REC114: variants seen among roughly 807,000 people sequenced by gnomAD.
REC114 encodes REC114 meiotic recombination protein.
REC114 carries 27 observed loss-of-function variants against 31.3 expected under a neutral mutation model. The observed-to-expected ratio is 0.86, with a 90% CI of 0.64 to 1.19. The LOEUF (loss-of-function observed/expected upper bound fraction) is 1.19, where lower values mean the gene tolerates loss of function less well. Ranked by LOEUF, REC114 falls within the 50% of genes most tolerant of loss-of-function variation. The pLI is 0.00. For synonymous variants in REC114, 134 were observed against 127.7 expected (o/e 1.05, Z -0.33); for missense variants, 344 against 326.9 (o/e 1.05, Z -0.40).
At chr15:73,474,681 G>A (rs1271412120) in intron 2 of REC114, among the ~76,000 whole-genome samples, 1 of 152,156 alleles carries the variant, frequency 6.6e-6, no homozygotes, top group Non-Finnish European at 1.5e-5. Flanking sequence ...GGATGCTAGG[G>A]ATATAGCAGT....
chr15:73,550,974 GA>G lies in REC114; in HGVS notation c.371del (p.Glu124GlyfsTer21). On this transcript the variant is annotated frameshift_variant, in exon 4 of 6. Coordinates refer to ENST00000331090, the MANE Select transcript of REC114 (RefSeq NM_001042367.2). LOFTEE classifies it high-confidence loss of function. ...SRLFRVQFSG[E>X]SKEQALEHCC... is the part of the protein sequence containing the mutation. ...CCTGTTTCGAGTACAGTTCAGTGGA[GA>G]GTCAAAGGAGCAGGCGCTGGAACAC... The G allele has an allele frequency of 6.2e-7, 1 of 1,613,914 alleles. No individual in the cohort carries two copies. The highest frequency in any genetic ancestry group is 8.5e-7 in the Non-Finnish European group (1 of 1,179,842).
chr15:73,489,923 C>G (rs550125846), intron 2 of REC114, among the ~76,000 whole-genome samples: 1 of 152,176 alleles, frequency 6.6e-6, no homozygotes, highest in Non-Finnish European at 1.5e-5. Flanking sequence ...TGAGTACACT[C>G]AAACACAGTA....
chr15:73,485,240 C>T (rs191438449), intron 2 of REC114, among the ~76,000 whole-genome samples: 21 of 152,158 alleles, frequency 1.4e-4, no homozygotes, highest in African/African-American at 4.8e-4. Context: ...TGCGCCACTA[C>T]GCCCAGCTAA....
rs564589645 is a variant in REC114 at position 73,497,507 on chromosome 15, A to G, written c.249+23586A>G. On this transcript the variant is annotated intron_variant, in intron 2 of 5. Transcript: ENST00000331090. ...GTCTTTTAGTCTCTAGCAGCATGCTATCAGTTAGAATATCAGGGTTCTTAC... is the reference window on the plus strand; with the variant it reads ...GTCTTTTAGTCTCTAGCAGCATGCTGTCAGTTAGAATATCAGGGTTCTTAC... Among the ~76,000 whole-genome samples the G allele has an allele frequency of 4.6e-5, 7 of 152,322 alleles. No homozygotes were observed. The East Asian group carries it at 1.3e-3, about 29-fold the overall frequency.
intron 3 of REC114, among the ~76,000 whole-genome samples, chr15:73,543,942 CTTTTTTTTT>C (rs34215297): frequency 2.7e-5 from 2 of 74,098 alleles, no homozygotes. Context: ...TGTTAACTGG[CTTTTTTTTT>C]TTTTTTTTTT....
intron 2 of REC114, among the ~76,000 whole-genome samples, chr15:73,510,134 G>C (rs897740159): frequency 9.9e-4 from 151 of 152,038 alleles, no homozygotes; most frequent in South Asian, 4.0e-3. Context: ...GTGGTTTGTA[G>C]TTCTCCTTGA....
chr15:73,500,701 T>C (rs2141308028), intron 2 of REC114, among the ~76,000 whole-genome samples: 1 of 152,252 alleles, frequency 6.6e-6, no homozygotes, highest in East Asian at 1.9e-4. Context: ...TCTGTTTGTT[T>C]TTTAAAGCCT....
intron 2 of REC114, among the ~76,000 whole-genome samples, chr15:73,514,713 C>T (rs1893834211): frequency 6.6e-6 from 1 of 151,536 alleles, no homozygotes; most frequent in Admixed American, 6.6e-5. Context: ...TTGAAAAAAA[C>T]GCTTGTGCTA....
chr15:73,510,611 C>T (rs1255642396), intron 2 of REC114, among the ~76,000 whole-genome samples: 2 of 147,158 alleles, frequency 1.4e-5, no homozygotes, highest in East Asian at 3.9e-4. Flanking sequence ...TTTTGAAATA[C>T]GTCCCATCAA....
At chr15:73,480,735 T>C (rs1317450106) in intron 2 of REC114, among the ~76,000 whole-genome samples, 1 of 152,184 alleles carries the variant, frequency 6.6e-6, no homozygotes, top group African/African-American at 2.4e-5. Context: ...TGGGATGCAG[T>C]GGTATGATCT....
intron 1 of REC114, among the ~76,000 whole-genome samples, chr15:73,461,930 T>C (rs1892994747): frequency 5.6e-5 from 8 of 142,758 alleles, no homozygotes; most frequent in African/African-American, 1.3e-4. Flanking sequence ...TTCTTTTTTT[T>C]TTTTTTTTTT....
chr15:73,541,515 G>T (rs2141330617), intron 3 of REC114, among the ~76,000 whole-genome samples: 1 of 152,134 alleles, frequency 6.6e-6, no homozygotes, highest in African/African-American at 2.4e-5. Flanking sequence ...AACTAATTCA[G>T]TATAATTGGT....
intron 3 of REC114, among the ~76,000 whole-genome samples, chr15:73,546,817 G>GAAAAA (rs11421177): frequency 1.7e-5 from 2 of 115,856 alleles, no homozygotes; most frequent in Non-Finnish European, 1.8e-5. Flanking sequence ...TCTGTCTCAG[G>GAAAAA]AAAAAAAAAA....
At chr15:73,469,584 C>G (rs1052806287) in intron 1 of REC114, among the ~76,000 whole-genome samples, 2 of 151,832 alleles carry the variant, frequency 1.3e-5, no homozygotes, top group South Asian at 4.2e-4. Flanking sequence ...CGTGTACCAC[C>G]GTGCCTGGCT....
chr15:73,498,654 C>A (rs1389319414), intron 2 of REC114, among the ~76,000 whole-genome samples: 1 of 152,074 alleles, frequency 6.6e-6, no homozygotes, highest in Non-Finnish European at 1.5e-5. Context: ...AGATTTTACA[C>A]CTTTTTCTAT....
chr15:73,554,314 A>G (rs1331063764), intron 4 of REC114, among the ~76,000 whole-genome samples: 1 of 152,148 alleles, frequency 6.6e-6, no homozygotes, highest in Non-Finnish European at 1.5e-5. Context: ...TTTTGGTAGC[A>G]TGTGCTCTTT....
intron 1 of REC114, among the ~76,000 whole-genome samples, chr15:73,463,636 C>G (rs138210843): frequency 0.028 from 4,254 of 151,890 alleles, 212 homozygotes; most frequent in African/African-American, 0.097. Context: ...GCTTGGCCAA[C>G]ATAGTGAAAC....
Position 73,492,653 on chromosome 15 carries a change from G to T in REC114, c.249+18732G>T, listed in dbSNP as rs187133980. Among the ~76,000 whole-genome samples, 5 of 152,256 alleles carry T rather than the reference G, an allele frequency of 3.3e-5. No individual in the cohort carries two copies. The East Asian group carries it at 9.6e-4, about 29-fold the overall frequency. On this transcript the variant is annotated intron_variant, in intron 2 of 5. Coordinates refer to ENST00000331090, the MANE Select transcript of REC114 (RefSeq NM_001042367.2). ...TTTCTAGCAAACTCTTGATGATGCCGATTATACTCATCTATGAACACACTT... is the reference window on the plus strand; with the variant it reads ...TTTCTAGCAAACTCTTGATGATGCCTATTATACTCATCTATGAACACACTT...
chr15:73,452,319 A>G (rs1892861493), intron 1 of REC114, among the ~76,000 whole-genome samples: 1 of 152,214 alleles, frequency 6.6e-6, no homozygotes, highest in African/African-American at 2.4e-5. Flanking sequence ...CAAAAATCAC[A>G]AGCATTCCTA....
Sources: allele counts gnomAD v4.1 joint callset (sites outside exome capture counted in the v4.1 genomes callset), GRCh38; gene constraint gnomAD v4.1.1; transcripts MANE v1.5; gene names NCBI Gene and HGNC (gene_info 2026-07-23, HGNC 2026-07-21).